Variants in ROM1 observed in about 807,000 individuals in gnomAD.
ROM1 encodes rod outer segment membrane protein 1.
In ROM1, 17 loss-of-function variants were observed where a neutral mutation model predicts 23.0. The ratio of observed to expected loss-of-function variants is 0.74; its 90% CI spans 0.51 to 1.11. ROM1 has a LOEUF of 1.11. Among genes scored for constraint, ROM1 ranks in the 50% least tolerant of loss-of-function variants. ROM1 has a pLI of 0.00. For missense variants in ROM1, 436 were observed against 439.7 expected, an observed-to-expected ratio of 0.99 and a Z score of 0.08; for synonymous variants, 200 against 206.5, an observed-to-expected ratio of 0.97 and a Z score of 0.27.
Position 62,613,685 on chromosome 11 carries a change from A to G in ROM1, c.404A>G (p.Glu135Gly), listed in dbSNP as rs1303031123. 1 of 1,613,874 alleles carries G rather than the reference A, an allele frequency of 6.2e-7. No homozygotes were observed. The highest frequency in any genetic ancestry group is 8.5e-7 in the Non-Finnish European group (1 of 1,179,992). ...GGGAGTCTGGATGAGGCGCTGGAGG[A>G]GGGCCTGGTGACTGCCTTGGCTCAC... is the stretch of plus-strand genomic sequence containing the variant. ...LPGSLDEALE[E>G]GLVTALAHYK... Residue 135 changes from glutamate (E) to glycine (G), a missense_variant, in exon 1 of 3, where the codon GAG (glutamate) becomes GGG (glycine). By Grantham distance (98) the Glu-to-Gly change is moderately conservative (BLOSUM62 -2). Coordinates refer to ENST00000278833, the MANE Select transcript of ROM1 (RefSeq NM_000327.4).
At chr11:62,614,572 C>T (rs1942983097) in intron 2 of ROM1, 49 bp from the exon 3 acceptor site, 1 of 1,614,204 alleles carries the variant, frequency 6.2e-7, no homozygotes, top group South Asian at 1.1e-5. Context: ...CCCTGGGCCT[C>T]TTGGAACCGC....
chr11:62,613,885 G>T lies in ROM1; in HGVS notation c.590+14G>T. On this transcript the variant is annotated intron_variant, in intron 1 of 2. Coordinates refer to ENST00000278833, the MANE Select transcript of ROM1 (RefSeq NM_000327.4). The stretch of plus-strand genomic sequence containing the variant: ...GGATGTGGCTGAGTGAGTGATTTGC[G>T]TCTCCCTTCCTCCTCCTCCTCCTCC... 1 of 1,613,368 alleles carries T rather than the reference G, an allele frequency of 6.2e-7. No homozygotes were observed. The highest frequency in any genetic ancestry group is 8.5e-7 in the Non-Finnish European group (1 of 1,179,826).
At position 62,613,786 on chromosome 11, in the gene ROM1, T is replaced by C. The variant is rs1942959006; in HGVS notation, c.505T>C (p.Cys169Arg). ...VDELQLRYHC[C>R]GRHGYKDWFG... Reference sequence around the variant, plus strand: ...TGAGCTGCAACTGAGGTACCACTGCTGCGGGCGCCACGGGTACAAGGATTG... The same window carrying C: ...TGAGCTGCAACTGAGGTACCACTGCCGCGGGCGCCACGGGTACAAGGATTG... Residue 169 changes from cysteine to arginine, a missense_variant, in exon 1 of 3, where the codon TGC becomes CGC. Transcript: ENST00000278833. The C allele has an allele frequency of 6.2e-7, 1 of 1,614,032 alleles. No individual in the cohort carries two copies. The highest frequency in any genetic ancestry group is 1.3e-5 in the African/African-American group (1 of 74,906).
rs886042979 is a variant in ROM1 at position 62,613,494 on chromosome 11, G to A, written c.213G>A (p.Ala71=). Residue 71 remains alanine, a synonymous_variant, in exon 1 of 3, where the codon GCG becomes GCA. Transcript: ENST00000278833. The stretch of plus-strand genomic sequence containing the variant: ...CCCAGGCTGCCCTGGCAGCGGGCGC[G>A]GTGGCTCTGGGCACAGGACTAGTGG... ...VLPQAALAAG[A]VALGTGLVGV... is the part of the protein sequence containing the mutation. 7 of 1,613,740 alleles carry A rather than the reference G, an allele frequency of 4.3e-6. No individual in the cohort carries two copies. The highest frequency in any genetic ancestry group is 1.7e-4 in the Middle Eastern group (1 of 6,054).
In ROM1 at chr11:62,615,060, C is replaced by T; in HGVS notation, c.*221C>T. On this transcript the variant is annotated 3_prime_UTR_variant, in exon 3 of 3. Transcript: ENST00000278833. ...AAAGAACAGAGTGATGGGAAAGTGACATGAGAAGGCCTGGAGGCTGATTCT... is the reference window on the plus strand; with the variant it reads ...AAAGAACAGAGTGATGGGAAAGTGATATGAGAAGGCCTGGAGGCTGATTCT... 1 of 581,882 alleles carries T rather than the reference C, an allele frequency of 1.7e-6. No homozygotes were observed. The highest frequency in any genetic ancestry group is 2.1e-5 in the South Asian group (1 of 48,086). The allele number at this position is 581,882 out of a possible 1,614,324, so 36.0% of individuals were successfully genotyped here. A position where few individuals can be genotyped will look rare whatever the true frequency, so the allele number is the denominator to read the frequency against.
In ROM1 at chr11:62,614,293, C is replaced by T. The variant is rs1942973962; in HGVS notation, c.626C>T (p.Thr209Ile). The T allele has an allele frequency of 6.2e-7, 1 of 1,614,144 alleles. No homozygotes were observed. Among genetic ancestry groups the T allele is most frequent in the Non-Finnish European group, 8.5e-7 (1 of 1,180,032 alleles). ...IQSNVEGLYL[T>I]DGVPFSCCNP... The stretch of plus-strand genomic sequence containing the variant: ...AGCAATGTAGAAGGCCTATACCTGA[C>T]TGATGGGGTCCCTTTCTCCTGTTGC... The change falls in exon 2 of 3, where the codon ACT becomes ATT. Residue 209 changes from threonine to isoleucine, a missense_variant. By Grantham distance (89) the Thr-to-Ile change is moderately conservative. Transcript: ENST00000278833.
In ROM1 at chr11:62,613,793, G is replaced by C. The variant is rs150926409; in HGVS notation, c.512G>C (p.Arg171Pro). ...CAACTGAGGTACCACTGCTGCGGGCGCCACGGGTACAAGGATTGGTTTGGG... is the reference window on the plus strand; with the variant it reads ...CAACTGAGGTACCACTGCTGCGGGCCCCACGGGTACAAGGATTGGTTTGGG... ...ELQLRYHCCG[R>P]HGYKDWFGVQ... The change falls in exon 1 of 3, where the codon CGC becomes CCC. Residue 171 changes from arginine to proline, a missense_variant. Transcript: ENST00000278833. 6.2e-7 allele frequency: 1 copy of C among 1,614,050 alleles called. No individual in the cohort carries two copies. Among genetic ancestry groups the C allele is most frequent in the African/African-American group, 1.3e-5 (1 of 74,930 alleles).
At position 62,614,601 on chromosome 11, in the gene ROM1, T is replaced by A; in HGVS notation, c.838-20T>A. Reference sequence around the variant, plus strand: ...GAACCGCTGACTCTCCCTGACTCTTTCCCCTTGCTTCCCCCACAGGCTCTG... The same window carrying A: ...GAACCGCTGACTCTCCCTGACTCTTACCCCTTGCTTCCCCCACAGGCTCTG... On this transcript the variant is annotated intron_variant, in intron 2 of 2. Transcript: ENST00000278833. 1 of 1,614,146 alleles carries A rather than the reference T, an allele frequency of 6.2e-7. No homozygotes were observed.
chr11:62,613,961 C>T lies in ROM1; in HGVS notation c.590+90C>T, dbSNP rs1942964907. The T allele has an allele frequency of 9.4e-6, 15 of 1,592,696 alleles. No homozygotes were observed. In the Admixed American group the frequency reaches 2.7e-4, roughly 28 times the overall value. ...TGAATCCCCACCTCGCTCAGAGGGG[C>T]AATAAGTAGAACATAGTGGCTGAGA... On this transcript the variant is annotated intron_variant, in intron 1 of 2. Coordinates refer to ENST00000278833, the MANE Select transcript of ROM1 (RefSeq NM_000327.4).
chr11:62,613,570 C>T lies in ROM1; in HGVS notation c.289C>T (p.Arg97Ter), dbSNP rs201595136. 85 of 1,613,430 alleles carry T rather than the reference C, an allele frequency of 5.3e-5. No homozygotes were observed. Among genetic ancestry groups the T allele is most frequent in the African/African-American group, 8.0e-5 (6 of 74,910 alleles). Residue 97 changes from arginine to a stop codon, truncating the protein, a stop_gained, in exon 1 of 3, where the codon CGA (arginine) becomes TGA (stop). Transcript: ENST00000278833. LOFTEE classifies it high-confidence loss of function. The part of the protein sequence containing the change: ...SLNAALYPPW[R>*]GVLGPLLVAG... Reference sequence around the variant, plus strand: ...GAATGCAGCTCTATACCCTCCCTGGCGAGGGGTCCTGGGCCCGCTGCTGGT... The same window carrying T: ...GAATGCAGCTCTATACCCTCCCTGGTGAGGGGTCCTGGGCCCGCTGCTGGT...
chr11:62,613,298 C>T lies in ROM1; in HGVS notation c.17C>T (p.Pro6Leu). 6.2e-7 allele frequency: 1 copy of T among 1,608,252 alleles called. No homozygotes were observed. The highest frequency in any genetic ancestry group is 8.5e-7 in the Non-Finnish European group (1 of 1,178,592). Reference sequence around the variant, plus strand: ...AGATGGGAGATGGCGCCGGTGTTGCCCCTGGTGCTGCCCCTGCAGCCCCGC... The same window carrying T: ...AGATGGGAGATGGCGCCGGTGTTGCTCCTGGTGCTGCCCCTGCAGCCCCGC... MAPVL[P>L]LVLPLQPRIR... The change falls in exon 1 of 3, where the codon CCC becomes CTC. Residue 6 changes from proline to leucine, a missense_variant. Physicochemically the swap from Pro to Leu is moderately conservative, Grantham distance 98. Transcript: ENST00000278833.
rs1942993786 is a variant in ROM1 at position 62,614,959 on chromosome 11, G to A, written c.*120G>A. ...ATTAGAGGGGCTAAGGATAGTCAGC[G>A]AGCTGGACTGGGGTAAGAAAGAAAA... On this transcript the variant is annotated 3_prime_UTR_variant, in exon 3 of 3. Transcript: ENST00000278833. 7 of 824,070 alleles carry A rather than the reference G, an allele frequency of 8.5e-6. No homozygotes were observed. The highest frequency in any genetic ancestry group is 7.8e-6 in the Non-Finnish European group (4 of 510,814). The allele number at this position is 824,070 out of a possible 1,614,324, so 51.0% of individuals were successfully genotyped here.
In ROM1 at chr11:62,613,344, C is replaced by T. The variant is rs186331143; in HGVS notation, c.63C>T (p.Leu21=). The change falls in exon 1 of 3, where the codon CTC becomes CTT. Residue 21 remains leucine, a synonymous_variant. Coordinates refer to ENST00000278833, the MANE Select transcript of ROM1 (RefSeq NM_000327.4). ...LQPRIRLAQG[L]WLLSWLLALA... ...CCCGCATCCGCCTGGCACAAGGGCT[C>T]TGGCTCCTCTCCTGGCTGCTGGCGC... 2.5e-5 allele frequency: 40 copies of T among 1,613,484 alleles called. No individual in the cohort carries two copies. The African/African-American group carries it at 3.7e-4, about 15-fold the overall frequency.
Position 62,614,700 on chromosome 11 carries a change from C to T in ROM1, c.917C>T (p.Thr306Ile). ...GGGGTCATTGATGCGGGAGGAGAGA[C>T]CCAGGGCTATCTCTTTCCCAGTGGG... The part of the protein sequence containing the change: ...LGGVIDAGGE[T>I]QGYLFPSGLK... The change falls in exon 3 of 3, where the codon ACC (threonine) becomes ATC (isoleucine). Residue 306 changes from threonine to isoleucine, a missense_variant. Thr to Ile is a moderately conservative substitution (Grantham distance 89). Coordinates refer to ENST00000278833, the MANE Select transcript of ROM1 (RefSeq NM_000327.4). The T allele has an allele frequency of 1.2e-6, 2 of 1,614,130 alleles. No individual in the cohort carries two copies. Among genetic ancestry groups the T allele is most frequent in the Non-Finnish European group, 1.7e-6 (2 of 1,179,994 alleles).
At position 62,613,567 on chromosome 11, in the gene ROM1, TG is replaced by T. The variant is rs1942946447; in HGVS notation, c.288del (p.Trp96CysfsTer26). On this transcript the variant is annotated frameshift_variant, in exon 1 of 3. Transcript: ENST00000278833. LOFTEE classifies it high-confidence loss of function. ...TCTGAATGCAGCTCTATACCCTCCCTGGCGAGGGGTCCTGGGCCCGCTGCTG... is the reference window on the plus strand; with the variant it reads ...TCTGAATGCAGCTCTATACCCTCCCTGCGAGGGGTCCTGGGCCCGCTGCTG... Reference protein sequence around the residue: ...ASLNAALYPPWRGVLGPLLVA... With the variant: ...ASLNAALYPPXRGVLGPLLVA... 6.2e-7 allele frequency: 1 copy of T among 1,613,502 alleles called. No homozygotes were observed. Among genetic ancestry groups the T allele is most frequent in the East Asian group, 2.2e-5 (1 of 44,864 alleles).
At position 62,614,471 on chromosome 11, in the gene ROM1, G is replaced by A; in HGVS notation, c.804G>A (p.Leu268=). 15 of 1,614,142 alleles carry A rather than the reference G, an allele frequency of 9.3e-6. No homozygotes were observed. Among genetic ancestry groups the A allele is most frequent in the Non-Finnish European group, 1.2e-5 (14 of 1,180,030 alleles). The part of the protein sequence containing the change: ...LEHLQDLAGT[L]GSMLAVTFLL... The stretch of plus-strand genomic sequence containing the variant: ...ACTTGCAGGACTTGGCAGGCACACT[G>A]GGTAGCATGCTGGCTGTCACCTTCC... The change falls in exon 2 of 3, where the codon CTG becomes CTA. Residue 268 remains leucine, a synonymous_variant. Transcript: ENST00000278833.
rs759752657 is a variant in ROM1, at chr11:62,613,534, C to T, written c.253C>T (p.Arg85Trp). The T allele has an allele frequency of 4.3e-6, 7 of 1,613,724 alleles. No individual in the cohort carries two copies. The highest frequency in any genetic ancestry group is 4.5e-5 in the East Asian group (2 of 44,882). Residue 85 changes from arginine to tryptophan, a missense_variant, in exon 1 of 3, where the codon CGG (arginine) becomes TGG (tryptophan). Arg to Trp is a moderately radical substitution (Grantham distance 101). Coordinates refer to ENST00000278833, the MANE Select transcript of ROM1 (RefSeq NM_000327.4). ...GTGLVGVGAS[R>W]ASLNAALYPP... The stretch of plus-strand genomic sequence containing the variant: ...AGGACTAGTGGGTGTAGGAGCCAGC[C>T]GGGCAAGTCTGAATGCAGCTCTATA...
At position 62,615,100 on chromosome 11, in the gene ROM1, A is replaced by ATT; in HGVS notation, c.*261_*262insTT. ...AGGCTGATTCTGATATAGACTCAAT[A>ATT]AAGTTTTTGGATGGAAGCAATTGCT... On this transcript the variant is annotated 3_prime_UTR_variant, in exon 3 of 3. Coordinates refer to ENST00000278833, the MANE Select transcript of ROM1 (RefSeq NM_000327.4). 1.9e-6 allele frequency: 1 copy of ATT among 515,374 alleles called. No homozygotes were observed. The highest frequency in any genetic ancestry group is 2.3e-5 in the South Asian group (1 of 43,086). 31.9% of individuals were successfully genotyped at this position (515,374 alleles called of 1,614,324 possible).
Position 62,614,780 on chromosome 11 carries a change from G to C in ROM1, c.997G>C (p.Ala333Pro), listed in dbSNP as rs1391517317. The change falls in exon 3 of 3, where the codon GCA becomes CCA. Residue 333 changes from alanine to proline, a missense_variant. Coordinates refer to ENST00000278833, the MANE Select transcript of ROM1 (RefSeq NM_000327.4). The stretch of plus-strand genomic sequence containing the variant: ...ACAGGGAGGGGTTGCCTGCAGGCCA[G>C]CACCTGAGGAGGCCCCACCAGGAGA... ...WLQGGVACRP[A>P]PEEAPPGEAP... is the part of the protein sequence containing the mutation. 1 of 1,614,108 alleles carries C rather than the reference G, an allele frequency of 6.2e-7. No homozygotes were observed. Among genetic ancestry groups the C allele is most frequent in the East Asian group, 2.2e-5 (1 of 44,894 alleles).
Sources: allele counts gnomAD v4.1 joint callset, GRCh38; gene constraint gnomAD v4.1.1; transcripts MANE v1.5; gene names NCBI Gene and HGNC (gene_info 2026-07-23, HGNC 2026-07-21).